The following MTMR1 variants were observed in gnomAD, a reference collection of about 807,000 sequenced individuals.
MTMR1 encodes the protein myotubularin related protein 1.
A neutral mutation model predicts 51.6 loss-of-function variants in MTMR1; 17 were observed. That is an observed-to-expected ratio of 0.33 (90% CI 0.23 to 0.49). The LOEUF (loss-of-function observed/expected upper bound fraction) is 0.49. Among genes scored for constraint, MTMR1 ranks in the 20% least tolerant of loss-of-function variants. The probability of loss-of-function intolerance (pLI) is 0.99; values close to 1 mark genes in which losing one functional copy is unlikely to be tolerated. For synonymous variants in MTMR1, 201 were observed against 205.6 expected (o/e 0.98, Z 0.19); for missense variants, 386 against 526.9 (o/e 0.73, Z 2.62).
At chrX:150,748,793 G>T (rs150074450) in intron 13 of MTMR1, among the ~76,000 whole-genome samples, 14 of 111,023 alleles carry the variant, frequency 1.3e-4, no homozygotes, top group Non-Finnish European at 2.5e-4. Flanking sequence ...TCGCACCACT[G>T]CACTCCAGCC....
At chrX:150,753,497 AATT>A (rs1557417655) in intron 14 of MTMR1, among the ~76,000 whole-genome samples, 1 of 112,467 alleles carries the variant, frequency 8.9e-6, no homozygotes, top group African/African-American at 3.2e-5. Context: ...TTTTTAAAAA[AATT>A]ATAGCCATCC....
At chrX:150,747,597 G>A (rs560446059) in intron 13 of MTMR1, among the ~76,000 whole-genome samples, 10 of 112,037 alleles carry the variant, frequency 8.9e-5, no homozygotes, top group Non-Finnish European at 1.5e-4. Flanking sequence ...CTAATCTTTC[G>A]TTTATATTAC....
intron 14 of MTMR1, among the ~76,000 whole-genome samples, chrX:150,754,968 G>C (rs1051713371): frequency 1.9e-5 from 2 of 104,561 alleles, no homozygotes; most frequent in African/African-American, 3.6e-5. Flanking sequence ...AGACATTGCA[G>C]TGAGCTGAGA....
At position 150,705,676 on chromosome X, in the gene MTMR1, C is replaced by G. The variant is rs782504952; in HGVS notation, c.252+6376C>G. Among the ~76,000 whole-genome samples, 5 of 111,569 alleles carry G rather than the reference C, an allele frequency of 4.5e-5. No individual in the cohort carries two copies. In the East Asian group the frequency reaches 1.4e-3, roughly 32 times the overall value. On this transcript the variant is annotated intron_variant, in intron 2 of 15. Coordinates refer to ENST00000445323, the MANE Select transcript of MTMR1 (RefSeq NM_001306144.3). ...AGGAAAACTGGAAGAGAAGTTGTCA[C>G]TAGCATACCTATCCTAAAAGAATGG...
At chrX:150,702,528 TGTCA>T (rs1463415323) in intron 2 of MTMR1, among the ~76,000 whole-genome samples, 2 of 111,721 alleles carry the variant, frequency 1.8e-5, no homozygotes, top group South Asian at 3.7e-4. Context: ...TATCATAAAT[TGTCA>T]GTCAGCCCAG....
At chrX:150,750,707 C>A in intron 13 of MTMR1, 23 bp from the exon 14 acceptor site, 1 of 1,059,801 alleles carries the variant, frequency 9.4e-7, no homozygotes. Context: ...TATGACTAAA[C>A]CTTATTTTTC....
chrX:150,723,934 A>C (rs1221082096), intron 4 of MTMR1, among the ~76,000 whole-genome samples: 2 of 112,091 alleles, frequency 1.8e-5, no homozygotes, highest in African/African-American at 6.5e-5. Context: ...TATGGCTGCA[A>C]AATTCCGTGG....
chrX:150,739,435 C>A (rs1243473588), intron 12 of MTMR1, among the ~76,000 whole-genome samples: 1 of 112,553 alleles, frequency 8.9e-6, no homozygotes, highest in Non-Finnish European at 1.9e-5. Context: ...TGGAATCTTT[C>A]CAGATGTTTG....
At chrX:150,757,950 C>T (rs1352992145) in intron 15 of MTMR1, among the ~76,000 whole-genome samples, 4 of 111,315 alleles carry the variant, frequency 3.6e-5, no homozygotes, top group Admixed American at 1.9e-4. Context: ...ACACTCGATA[C>T]TGCACCGGCC....
intron 11 of MTMR1, 47 bp from the exon 12 acceptor site, chrX:150,737,195 A>G (rs781975911): frequency 2.7e-6 from 3 of 1,113,896 alleles, no homozygotes; most frequent in African/African-American, 3.6e-5. Flanking sequence ...TTTACATTTA[A>G]TTGAAATTCA....
chrX:150,736,560 C>T, intron 10 of MTMR1, 35 bp from the exon 11 acceptor site: 1 of 1,166,349 alleles, frequency 8.6e-7, no homozygotes. Flanking sequence ...AAGTTAATTC[C>T]AGATAATGTG....
At chrX:150,697,960 G>A (rs1361746224) in intron 1 of MTMR1, among the ~76,000 whole-genome samples, 1 of 111,493 alleles carries the variant, frequency 9.0e-6, no homozygotes, top group Non-Finnish European at 1.9e-5. Flanking sequence ...AAGACAAGTC[G>A]GCTAGTCCCT....
At chrX:150,698,530 GATAA>G (rs1312023152) in intron 1 of MTMR1, among the ~76,000 whole-genome samples, 2 of 110,841 alleles carry the variant, frequency 1.8e-5, no homozygotes, top group Non-Finnish European at 1.9e-5. Context: ...TATGCTGTAA[GATAA>G]ATATTTCACA....
At chrX:150,711,710 G>A (rs1164659477) in intron 2 of MTMR1, among the ~76,000 whole-genome samples, 4 of 112,336 alleles carry the variant, frequency 3.6e-5, no homozygotes, top group African/African-American at 1.3e-4. Context: ...GCCCCCCTTT[G>A]GCCATGCAGC....
At chrX:150,712,880 A>G in intron 3 of MTMR1, 1 of 773,819 alleles carries the variant, frequency 1.3e-6, no homozygotes, top group Non-Finnish European at 1.6e-6. Context: ...ACTATTTTTT[A>G]AAATACAGAT....
At chrX:150,701,983 A>AT (rs1175620227) in intron 2 of MTMR1, among the ~76,000 whole-genome samples, 5 of 111,896 alleles carry the variant, frequency 4.5e-5, no homozygotes, top group African/African-American at 1.6e-4. Context: ...AACTCAAGTC[A>AT]TCCTATTGAA....
intron 14 of MTMR1, 110 bp downstream of exon 14, chrX:150,750,953 T>C (rs1207798827): frequency 1.1e-5 from 11 of 1,040,722 alleles, no homozygotes; most frequent in Non-Finnish European, 1.4e-5. Flanking sequence ...TCTGGTGCTA[T>C]TGCTGACTGT....
intron 3 of MTMR1, chrX:150,714,425 T>A: frequency 1.2e-6 from 1 of 827,163 alleles, no homozygotes; most frequent in Non-Finnish European, 1.6e-6. Flanking sequence ...TGTTTGCACG[T>A]GTTTCTCTTT....
intron 2 of MTMR1, among the ~76,000 whole-genome samples, chrX:150,699,865 G>T (rs2040849815): frequency 8.9e-6 from 1 of 112,412 alleles, no homozygotes; most frequent in African/African-American, 3.2e-5. Flanking sequence ...GACTAGGGCA[G>T]TTTTACCACT....
Sources: gnomAD v4.1 joint callset for allele counts (sites outside exome capture counted in the v4.1 genomes callset) on GRCh38, gnomAD v4.1.1 for gene constraint, MANE v1.5 for transcripts, NCBI Gene and HGNC (gene_info 2026-07-23, HGNC 2026-07-21) for gene names.